The following LNPEP variants were observed in gnomAD, a reference collection of about 807,000 sequenced individuals.
LNPEP encodes leucyl and cystinyl aminopeptidase, also known as leucyl-cystinyl aminopeptidase.
LNPEP carries 64 observed loss-of-function variants against 120.6 expected under a neutral mutation model. That is an observed-to-expected ratio of 0.53 (90% CI 0.43 to 0.65). The LOEUF is 0.65. Among genes scored for constraint, LNPEP ranks in the 30% least tolerant of loss-of-function variants. The probability of loss-of-function intolerance (pLI) is 0.00; values close to 1 mark genes in which losing one functional copy is unlikely to be tolerated. For missense variants in LNPEP, 1,057 were observed against 1,200.0 expected, an observed-to-expected ratio of 0.88 and a Z score of 1.76; for synonymous variants, 435 against 425.4, an observed-to-expected ratio of 1.02 and a Z score of -0.28.
chr5:97,032,999 T>G lies in LNPEP; in HGVS notation c.*4466T>G, dbSNP rs1450352697. ...ACTTAATGAAAATTGAGGTTCAGAG[T>G]ATGACAAATCTCTTTTCCCTTTTCC... is the stretch of plus-strand genomic sequence containing the variant. On this transcript the variant is annotated 3_prime_UTR_variant, in exon 18 of 18. Transcript: ENST00000231368. The G allele has an allele frequency of 6.6e-6, 1 of 152,230 alleles. No homozygotes were observed. Among genetic ancestry groups the G allele is most frequent in the Non-Finnish European group, 1.5e-5 (1 of 68,038 alleles). 9.4% of individuals were successfully genotyped at this position (152,230 alleles called of 1,614,324 possible). A position where few individuals can be genotyped will look rare whatever the true frequency, so the allele number is the denominator to read the frequency against.
At position 96,985,163 on chromosome 5, in the gene LNPEP, T is replaced by G; in HGVS notation, c.944T>G (p.Phe315Cys). ...GATGAACCAGCATTTAAAGCCACTT[T>G]TATCATCAAGATCATAAGGGATGAG... is the stretch of plus-strand genomic sequence containing the variant. ...CFDEPAFKAT[F>C]IIKIIRDEQY... Residue 315 changes from phenylalanine (F) to cysteine (C), a missense_variant, in exon 3 of 18, where the codon TTT becomes TGT. Phe to Cys is a radical substitution (Grantham distance 205). Coordinates refer to ENST00000231368, the MANE Select transcript of LNPEP (RefSeq NM_005575.3). The G allele has an allele frequency of 6.2e-7, 1 of 1,613,922 alleles. No individual in the cohort carries two copies. Among genetic ancestry groups the G allele is most frequent in the Non-Finnish European group, 8.5e-7 (1 of 1,179,834 alleles).
chr5:97,000,055 G>A (rs555489147), intron 8 of LNPEP, among the ~76,000 whole-genome samples: 8 of 152,234 alleles, frequency 5.3e-5, no homozygotes, highest in African/African-American at 1.2e-4. Context: ...GGTGGACTTT[G>A]TCTCTTTTGT....
At position 97,024,556 on chromosome 5, in the gene LNPEP, TTG is replaced by T; in HGVS notation, c.2598_2599del (p.Gly867SerfsTer4). On this transcript the variant is annotated frameshift_variant, in exon 15 of 18. Coordinates refer to ENST00000231368, the MANE Select transcript of LNPEP (RefSeq NM_005575.3). LOFTEE classifies it high-confidence loss of function. ...GATGTCATGACAACTGTGTTCAAAG[TTG>T]GAGCAAAAACTGACAAAGGCTGGTC... The T allele has an allele frequency of 6.2e-7, 1 of 1,614,082 alleles. No homozygotes were observed.
rs1789414907 is a variant in LNPEP at position 96,954,766 on chromosome 5, ATATATATTTT to A, written c.19+18594_19+18603del. 7.3e-5 allele frequency among the ~76,000 whole-genome samples: 3 copies of A among 40,956 alleles called. 1 individual carries two copies. In the Admixed American group the frequency reaches 1.0e-3, roughly 14 times the overall value. The allele number at this position is 40,956 out of a possible 152,430, so 26.9% of individuals were successfully genotyped here. ...TATATACACATATATATATATATAT[ATATATATTTT>A]TTTTTTTTTTTTTTTTTTTTTTTTG... On this transcript the variant is annotated intron_variant, in intron 1 of 17. Transcript: ENST00000231368.
At chr5:96,950,141 A>T (rs1239718751) in intron 1 of LNPEP, among the ~76,000 whole-genome samples, 2 of 152,172 alleles carry the variant, frequency 1.3e-5, no homozygotes, top group African/African-American at 4.8e-5. Flanking sequence ...AAACCCTCTC[A>T]GTGTTAGAGG....
Position 96,979,709 on chromosome 5 carries a change from A to C in LNPEP, c.591A>C (p.Ser197=), listed in dbSNP as rs1790080200. Residue 197 remains serine, a synonymous_variant, in exon 2 of 18, where the codon TCA becomes TCC. Transcript: ENST00000231368. ...SMTFRGSVTI[S]VQALQVTWNI... ...CATTCAGGGGTTCTGTGACAATTTC[A>C]GTTCAGGCTCTTCAGGTCACATGGA... The C allele has an allele frequency of 1.9e-6, 3 of 1,614,086 alleles. No homozygotes were observed. In the East Asian group the frequency reaches 6.7e-5, roughly 36 times the overall value.
At chr5:96,938,649 A>C (rs1049578785) in intron 1 of LNPEP, among the ~76,000 whole-genome samples, 2 of 152,040 alleles carry the variant, frequency 1.3e-5, no homozygotes, top group Non-Finnish European at 2.9e-5. Flanking sequence ...CTACCTGTTG[A>C]TAATTGGTTC....
At chr5:96,988,684 A>C (rs1790303121) in intron 4 of LNPEP, among the ~76,000 whole-genome samples, 2 of 152,088 alleles carry the variant, frequency 1.3e-5, no homozygotes, top group Admixed American at 6.5e-5. Context: ...ATCATAGCTC[A>C]CCGTAACATT....
At chr5:96,946,791 C>T (rs1324343147) in intron 1 of LNPEP, among the ~76,000 whole-genome samples, 4 of 152,148 alleles carry the variant, frequency 2.6e-5, no homozygotes, top group African/African-American at 9.7e-5. Context: ...AAAAGTATTA[C>T]AAAAAATTAT....
chr5:97,019,028 A>G (rs1054591675), intron 13 of LNPEP, among the ~76,000 whole-genome samples: 28 of 152,230 alleles, frequency 1.8e-4, no homozygotes, highest in African/African-American at 6.8e-4. Context: ...TTCACTTTTA[A>G]GAAACTCAGT....
rs535731936 is a variant in LNPEP at position 97,003,000 on chromosome 5, T to C, written c.1654-415T>C. Among the ~76,000 whole-genome samples, 65 of 152,342 alleles carry C rather than the reference T, an allele frequency of 4.3e-4. 1 individual carries two copies. The highest frequency in any genetic ancestry group is 1.5e-3 in the African/African-American group (62 of 41,574). ...ACTTTTGAGAGCCTTGTCAATTTAT[T>C]GTGTCTCCAGCACACAATAAATTCA... is the stretch of plus-strand genomic sequence containing the variant. On this transcript the variant is annotated intron_variant, in intron 8 of 17. Transcript: ENST00000231368.
rs114849362 is a variant in LNPEP, at chr5:96,952,989, A to G, written c.19+16815A>G. Among the ~76,000 whole-genome samples the G allele has an allele frequency of 6.6e-4, 101 of 152,272 alleles. 2 individuals are homozygous for G. The East Asian group carries it at 0.012, about 17-fold the overall frequency. On this transcript the variant is annotated intron_variant, in intron 1 of 17. Coordinates refer to ENST00000231368, the MANE Select transcript of LNPEP (RefSeq NM_005575.3). ...TTCATACCTGCCCTGCCATAGAATG[A>G]TCTAGACCTTTAAGAGGACTAGAAT...
chr5:96,968,942 T>A (rs2112591412), intron 1 of LNPEP, among the ~76,000 whole-genome samples: 1 of 152,228 alleles, frequency 6.6e-6, no homozygotes, highest in South Asian at 2.1e-4. Context: ...AGTTTGTTTA[T>A]ATACAGGGCC....
At chr5:96,982,091 A>G (rs1790140857) in intron 2 of LNPEP, among the ~76,000 whole-genome samples, 1 of 152,092 alleles carries the variant, frequency 6.6e-6, no homozygotes, top group South Asian at 2.1e-4. Flanking sequence ...TGTTAACATT[A>G]TATTCATTTT....
In LNPEP at chr5:97,036,115, T is replaced by C. The variant is rs1791568510; in HGVS notation, c.*7582T>C. The C allele has an allele frequency of 6.6e-6, 1 of 152,192 alleles. No individual in the cohort carries two copies. The highest frequency in any genetic ancestry group is 1.9e-4 in the East Asian group (1 of 5,202). The allele number at this position is 152,192 out of a possible 1,614,324, so 9.4% of individuals were successfully genotyped here. Reference sequence around the variant, plus strand: ...GAGGCCTGGACTTCTGATTCATCTATAGAAGTCTATTATGATTCCATCAAT... The same window carrying C: ...GAGGCCTGGACTTCTGATTCATCTACAGAAGTCTATTATGATTCCATCAAT... On this transcript the variant is annotated 3_prime_UTR_variant, in exon 18 of 18. Transcript: ENST00000231368.
intron 7 of LNPEP, among the ~76,000 whole-genome samples, chr5:96,997,397 T>A (rs939653925): frequency 6.6e-6 from 1 of 152,096 alleles, no homozygotes; most frequent in Non-Finnish European, 1.5e-5. Flanking sequence ...AGAAAGATAT[T>A]CTAAATCCAT....
intron 11 of LNPEP, chr5:97,010,146 A>G: frequency 2.6e-6 from 1 of 377,910 alleles, no homozygotes; most frequent in Non-Finnish European, 3.6e-6. Flanking sequence ...TCCAGTTTAC[A>G]TATTGAGGAA....
intron 1 of LNPEP, among the ~76,000 whole-genome samples, chr5:96,950,729 C>G (rs750045644): frequency 1.3e-5 from 2 of 152,168 alleles, no homozygotes; most frequent in Non-Finnish European, 2.9e-5. Flanking sequence ...AATCAAATGA[C>G]ATTTTGAGGA....
At chr5:96,986,271 CTATCTT>C (rs1294688967) in intron 3 of LNPEP, among the ~76,000 whole-genome samples, 1 of 152,128 alleles carries the variant, frequency 6.6e-6, no homozygotes, top group African/African-American at 2.4e-5. Context: ...ACCAATGTGA[CTATCTT>C]TAACTTAACA....
Sources: gnomAD v4.1 joint callset for allele counts (sites outside exome capture counted in the v4.1 genomes callset) on GRCh38, gnomAD v4.1.1 for gene constraint, MANE v1.5 for transcripts, NCBI Gene and HGNC (gene_info 2026-07-23, HGNC 2026-07-21) for gene names.